The following LANCL3 variants were observed in gnomAD, a reference collection of about 807,000 sequenced individuals.
LANCL3 encodes LanC like family member 3, also known as lanC-like protein 3.
In LANCL3, 19 loss-of-function variants were observed where a neutral mutation model predicts 26.5. That is an observed-to-expected ratio of 0.72 (90% CI 0.50 to 1.05). The LOEUF is 1.05. Among genes scored for constraint, LANCL3 ranks in the 50% least tolerant of loss-of-function variants. LANCL3 has a pLI of 0.00. For missense variants in LANCL3, 318 were observed against 362.7 expected (o/e 0.88, Z 1.00); for synonymous variants, 160 against 166.6 (o/e 0.96, Z 0.30).
At chrX:37,633,848 G>A (rs1199101606) in intron 1 of LANCL3, among the ~76,000 whole-genome samples, 3 of 112,044 alleles carry the variant, frequency 2.7e-5, no homozygotes, top group Non-Finnish European at 1.9e-5. Flanking sequence ...TGCTGGGGGG[G>A]TGCCTCCCAG....
chrX:37,645,577 C>T (rs951669717), intron 1 of LANCL3, among the ~76,000 whole-genome samples: 2 of 112,493 alleles, frequency 1.8e-5, no homozygotes, highest in African/African-American at 6.5e-5. Flanking sequence ...TGTCCCTTTT[C>T]TGGGTAATCT....
intron 1 of LANCL3, among the ~76,000 whole-genome samples, chrX:37,586,782 C>T (rs781815486): frequency 2.1e-4 from 23 of 112,178 alleles, no homozygotes; most frequent in Non-Finnish European, 2.6e-4. Flanking sequence ...CGTCTGAAGC[C>T]TTCTTCTCTC....
chrX:37,576,577 G>T (rs145218549), intron 1 of LANCL3, among the ~76,000 whole-genome samples: 8 of 111,771 alleles, frequency 7.2e-5, no homozygotes, highest in African/African-American at 2.6e-4. Context: ...TCGTTGACTT[G>T]TTCTGGTTTT....
chrX:37,573,260 A>G (rs1199625588), intron 1 of LANCL3, among the ~76,000 whole-genome samples: 4 of 112,096 alleles, frequency 3.6e-5, no homozygotes, highest in African/African-American at 1.3e-4. Flanking sequence ...CCTGTGGAGT[A>G]GGAAAAAGAA....
chrX:37,672,743 G>C (rs1175375108), intron 4 of LANCL3, among the ~76,000 whole-genome samples: 1 of 111,569 alleles, frequency 9.0e-6, no homozygotes, highest in African/African-American at 3.3e-5. Flanking sequence ...AACTGGTTTG[G>C]AGAAAGGTCC....
At chrX:37,589,964 T>C (rs369030580) in intron 1 of LANCL3, among the ~76,000 whole-genome samples, 1 of 112,468 alleles carries the variant, frequency 8.9e-6, no homozygotes, top group African/African-American at 3.2e-5. Flanking sequence ...AAACAAGAAC[T>C]TGTGTGAATT....
intron 1 of LANCL3, among the ~76,000 whole-genome samples, chrX:37,572,726 G>A (rs782432100): frequency 9.2e-4 from 103 of 112,474 alleles, no homozygotes; most frequent in African/African-American, 3.0e-3. Context: ...TCTGGGGGAT[G>A]ACAGTGTGGC....
chrX:37,673,344 T>G (rs1926725347), intron 4 of LANCL3, among the ~76,000 whole-genome samples: 2 of 111,357 alleles, frequency 1.8e-5, no homozygotes, highest in African/African-American at 6.5e-5. Context: ...TATTTTGTTA[T>G]GTTCTAGAGT....
intron 3 of LANCL3, among the ~76,000 whole-genome samples, chrX:37,665,462 C>A (rs1926523806): frequency 1.8e-5 from 2 of 112,248 alleles, no homozygotes; most frequent in South Asian, 7.4e-4. Context: ...CCATTTAAGG[C>A]CTCATCTAAC....
chrX:37,589,226 C>G (rs1924201973), intron 1 of LANCL3, among the ~76,000 whole-genome samples: 1 of 111,883 alleles, frequency 8.9e-6, no homozygotes, highest in African/African-American at 3.3e-5. Context: ...TCTGGACTCT[C>G]AATGAAGACA....
intron 1 of LANCL3, among the ~76,000 whole-genome samples, chrX:37,583,656 C>T (rs1161718180): frequency 1.8e-5 from 2 of 111,828 alleles, no homozygotes; most frequent in African/African-American, 6.5e-5. Flanking sequence ...CTGATTTTTG[C>T]ACATTGATTT....
chrX:37,617,599 C>T (rs61672367), intron 1 of LANCL3, among the ~76,000 whole-genome samples: 3,821 of 111,744 alleles, frequency 0.034, 171 homozygotes, highest in African/African-American at 0.12. Flanking sequence ...CATAAGACTA[C>T]CAGTATACCA....
intron 1 of LANCL3, among the ~76,000 whole-genome samples, chrX:37,575,467 T>C (rs1216409058): frequency 9.0e-6 from 1 of 111,666 alleles, no homozygotes; most frequent in African/African-American, 3.3e-5. Context: ...CAAATATCAC[T>C]CAATTTTAGT....
At chrX:37,635,641 A>G in intron 1 of LANCL3, among the ~76,000 whole-genome samples, 1 of 110,457 alleles carries the variant, frequency 9.1e-6, no homozygotes. Context: ...TTTTTATTAT[A>G]TAGTTTGAGA....
Position 37,681,700 on chromosome X carries a change from G to A in LANCL3, c.*5887G>A, listed in dbSNP as rs1276273209. The stretch of plus-strand genomic sequence containing the variant: ...ACCTGTTTGACGTTGTTTAGTTGTT[G>A]AGTTCTGTGTCTATAAGAATCCTAG... On this transcript the variant is annotated 3_prime_UTR_variant, in exon 5 of 5. Coordinates refer to ENST00000378619, the MANE Select transcript of LANCL3 (RefSeq NM_001170331.2). 8.9e-6 allele frequency: 1 copy of A among 112,103 alleles called. No homozygotes were observed. The highest frequency in any genetic ancestry group is 1.9e-5 in the Non-Finnish European group (1 of 53,220). The allele number at this position is 112,103 out of a possible 1,213,427, so 9.2% of individuals were successfully genotyped here.
intron 1 of LANCL3, among the ~76,000 whole-genome samples, chrX:37,618,189 G>T (rs1019706478): frequency 7.1e-5 from 8 of 112,283 alleles, no homozygotes; most frequent in Non-Finnish European, 1.5e-4. Context: ...AGCTTCACAG[G>T]TATGTATGGA....
chrX:37,654,284 G>C (rs1466733260), intron 1 of LANCL3, among the ~76,000 whole-genome samples: 1 of 112,715 alleles, frequency 8.9e-6, no homozygotes, highest in East Asian at 2.8e-4. Context: ...AGGTAAATCA[G>C]AGGAGCAATT....
At chrX:37,645,732 T>C (rs1489573829) in intron 1 of LANCL3, among the ~76,000 whole-genome samples, 1 of 112,242 alleles carries the variant, frequency 8.9e-6, no homozygotes, top group Non-Finnish European at 1.9e-5. Context: ...CCTCTCTATT[T>C]TCATAATCCT....
chrX:37,621,923 C>T (rs782316001), intron 1 of LANCL3, among the ~76,000 whole-genome samples: 19 of 111,635 alleles, frequency 1.7e-4, no homozygotes, highest in Non-Finnish European at 3.0e-4. Flanking sequence ...TACACCTCTC[C>T]CTGGTGCCGC....
Sources: gnomAD v4.1 joint callset for allele counts (sites outside exome capture counted in the v4.1 genomes callset) on GRCh38, gnomAD v4.1.1 for gene constraint, MANE v1.5 for transcripts, NCBI Gene and HGNC (gene_info 2026-07-23, HGNC 2026-07-21) for gene names.